CHM: variants seen among roughly 807,000 people sequenced by gnomAD.
CHM encodes the protein rab proteins geranylgeranyltransferase component A 1.
CHM carries 10 observed loss-of-function variants against 49.0 expected under a neutral mutation model. That is an observed-to-expected ratio of 0.20 (90% confidence interval 0.13 to 0.35). CHM has a LOEUF of 0.35. Ranked by LOEUF, CHM falls within the 10% of genes least tolerant of loss-of-function variation. CHM has a pLI of 1.00. For synonymous variants in CHM, 184 were observed against 167.5 expected, an observed-to-expected ratio of 1.10 and a Z score of -0.76; for missense variants, 455 against 478.4, an observed-to-expected ratio of 0.95 and a Z score of 0.46.
In CHM at chrX:85,878,960, C is replaced by A; in HGVS notation, c.1609+5G>T. 8.9e-7 allele frequency: 1 copy of A among 1,120,389 alleles called. No individual in the cohort carries two copies. The highest frequency in any genetic ancestry group is 1.2e-6 in the Non-Finnish European group (1 of 815,449). 92.3% of individuals were successfully genotyped at this position (1,120,389 alleles called of 1,213,427 possible). Reference sequence around the variant, plus strand: ...CCATCATGAGTTATCAATTATTTTTCTTACCTATCTCCATTTCAGTATATG... The same window carrying A: ...CCATCATGAGTTATCAATTATTTTTATTACCTATCTCCATTTCAGTATATG... On this transcript the variant is annotated splice_donor_5th_base_variant and intron_variant, in intron 13 of 14. Coordinates refer to ENST00000357749, the MANE Select transcript of CHM (RefSeq NM_000390.4).
intron 12 of CHM, among the ~76,000 whole-genome samples, chrX:85,890,694 G>C (rs975539615): frequency 8.9e-6 from 1 of 111,798 alleles, no homozygotes; most frequent in African/African-American, 3.3e-5. Flanking sequence ...TTTCTTTCCA[G>C]TTTCGGGTAT....
At chrX:86,001,944 C>T (rs1932747960) in intron 2 of CHM, among the ~76,000 whole-genome samples, 1 of 110,967 alleles carries the variant, frequency 9.0e-6, no homozygotes, top group African/African-American at 3.3e-5. Context: ...TGGTCAACAC[C>T]CTGGACTCTG....
intron 4 of CHM, chrX:85,969,065 A>G: frequency 1.3e-5 from 9 of 674,009 alleles, no homozygotes; most frequent in Non-Finnish European, 1.6e-5. Context: ...GAAATTTAAG[A>G]ATTCAAAATA....
At position 86,047,552 on chromosome X, in the gene CHM, T is replaced by G. The variant is rs776324077; in HGVS notation, c.-20A>C. Reference sequence around the variant, plus strand: ...CGCCATCTTGACGGGAAACGTGTCATGTGACTATTACTTGTGGAAATGAGA... The same window carrying G: ...CGCCATCTTGACGGGAAACGTGTCAGGTGACTATTACTTGTGGAAATGAGA... On this transcript the variant is annotated 5_prime_UTR_variant, in exon 1 of 15. It removes an upstream start codon present in the reference 5' UTR. Transcript: ENST00000357749. The G allele has an allele frequency of 1.0e-4, 122 of 1,186,982 alleles. No homozygotes were observed. In the South Asian group the frequency reaches 2.2e-3, roughly 21 times the overall value.
intron 4 of CHM, among the ~76,000 whole-genome samples, chrX:85,965,129 T>G (rs1930509247): frequency 8.9e-6 from 1 of 112,607 alleles, no homozygotes; most frequent in South Asian, 3.6e-4. Flanking sequence ...TAACTCCGAA[T>G]TTATCAATTC....
At chrX:85,998,534 C>T (rs1932554765) in intron 2 of CHM, among the ~76,000 whole-genome samples, 1 of 111,740 alleles carries the variant, frequency 8.9e-6, no homozygotes, top group Admixed American at 9.5e-5. Context: ...CTTAGCCTAC[C>T]TAACACCATA....
chrX:85,971,807 T>C (rs1930932177), intron 4 of CHM, among the ~76,000 whole-genome samples: 1 of 110,800 alleles, frequency 9.0e-6, no homozygotes, highest in Admixed American at 9.6e-5. Flanking sequence ...ATATAAAGGT[T>C]CTCCACATCC....
chrX:85,991,750 A>G (rs1932201069), intron 2 of CHM, among the ~76,000 whole-genome samples: 1 of 97,085 alleles, frequency 1.0e-5, no homozygotes, highest in Admixed American at 1.2e-4. Context: ...TTAACCAACA[A>G]ACATGTTTTT....
chrX:85,938,095 G>A (rs771730177), intron 8 of CHM, among the ~76,000 whole-genome samples: 1 of 111,490 alleles, frequency 9.0e-6, no homozygotes, highest in African/African-American at 3.3e-5. Context: ...CTTTATTAAC[G>A]ACAATGTTCA....
At chrX:85,966,145 T>C (rs1930568107) in intron 4 of CHM, among the ~76,000 whole-genome samples, 1 of 109,094 alleles carries the variant, frequency 9.2e-6, no homozygotes, top group Non-Finnish European at 1.9e-5. Flanking sequence ...AGGTCAAGAG[T>C]TCAAGACCAG....
At chrX:85,868,882 C>G (rs1923876687) in intron 14 of CHM, among the ~76,000 whole-genome samples, 1 of 112,179 alleles carries the variant, frequency 8.9e-6, no homozygotes, top group South Asian at 3.7e-4. Flanking sequence ...CTTCTCTGAT[C>G]TTATCATATA....
intron 2 of CHM, among the ~76,000 whole-genome samples, chrX:85,986,396 A>G (rs747488055): frequency 8.9e-6 from 1 of 111,817 alleles, no homozygotes; most frequent in Non-Finnish European, 1.9e-5. Flanking sequence ...GCCAGCACTC[A>G]AAGGGGAGAG....
chrX:85,883,474 AT>A (rs1412508766), intron 12 of CHM, among the ~76,000 whole-genome samples: 1 of 111,186 alleles, frequency 9.0e-6, no homozygotes, highest in Admixed American at 9.6e-5. Context: ...ACACAATTTA[AT>A]TTTTTAATTC....
At chrX:86,006,225 A>G (rs1932850301) in intron 2 of CHM, among the ~76,000 whole-genome samples, 1 of 111,758 alleles carries the variant, frequency 8.9e-6, no homozygotes, top group African/African-American at 3.3e-5. Flanking sequence ...CCTTCATGCT[A>G]AAAACTCTCA....
intron 2 of CHM, among the ~76,000 whole-genome samples, chrX:86,015,815 A>C (rs1161092584): frequency 8.9e-6 from 1 of 112,253 alleles, no homozygotes; most frequent in African/African-American, 3.2e-5. Context: ...GGAAGAAGAA[A>C]TGTCTAAGCG....
intron 2 of CHM, among the ~76,000 whole-genome samples, chrX:86,017,776 C>A (rs956070355): frequency 9.0e-6 from 1 of 111,639 alleles, no homozygotes; most frequent in Non-Finnish European, 1.9e-5. Flanking sequence ...AAGAAAAAAT[C>A]TAGGCAAATG....
chrX:85,986,956 G>C (rs1179120234), intron 2 of CHM, among the ~76,000 whole-genome samples: 2 of 106,878 alleles, frequency 1.9e-5, no homozygotes, highest in Non-Finnish European at 3.8e-5. Context: ...GGATGAAACA[G>C]CTGGAAAAAA....
At chrX:86,030,854 G>T (rs1246997187) in intron 1 of CHM, among the ~76,000 whole-genome samples, 3 of 111,178 alleles carry the variant, frequency 2.7e-5, no homozygotes, top group Non-Finnish European at 5.7e-5. Flanking sequence ...TAAAAAAAGT[G>T]TTTGGACTGG....
At chrX:86,014,598 TGGGG>T (rs34960673) in intron 2 of CHM, among the ~76,000 whole-genome samples, 1 of 112,755 alleles carries the variant, frequency 8.9e-6, no homozygotes, top group South Asian at 3.6e-4. Context: ...GCCCAGGCAG[TGGGG>T]GTGTCCCCGG....
Sources: gnomAD v4.1 joint callset for allele counts (sites outside exome capture counted in the v4.1 genomes callset) on GRCh38, gnomAD v4.1.1 for gene constraint, MANE v1.5 for transcripts, NCBI Gene and HGNC (gene_info 2026-07-23, HGNC 2026-07-21) for gene names.